Variants in FAM193A observed in about 807,000 individuals in gnomAD.
FAM193A encodes family with sequence similarity 193 member A, also known as protein FAM193A.
Under a neutral mutation model 126.5 loss-of-function variants are expected in FAM193A, and 22 were observed. The observed-to-expected ratio is 0.17, with a 90% CI of 0.12 to 0.25. The LOEUF (loss-of-function observed/expected upper bound fraction) is 0.25, where lower values mean the gene tolerates loss of function less well. Among genes scored for constraint, FAM193A ranks in the 10% least tolerant of loss-of-function variants. FAM193A has a pLI of 1.00. For missense variants in FAM193A, 1,675 were observed against 1,672.8 expected (o/e 1.00, Z -0.02); for synonymous variants, 761 against 646.8 (o/e 1.18, Z -2.68).
At chr4:2,566,277 G>A (rs10011435) in intron 1 of FAM193A, among the ~76,000 whole-genome samples, 39,920 of 152,066 alleles carry the variant, frequency 0.26, 5,741 homozygotes, top group Middle Eastern at 0.38. Flanking sequence ...TCGATCTTCT[G>A]ACCTCGTGAT....
chr4:2,559,918 CT>C (rs1268723871), intron 1 of FAM193A, among the ~76,000 whole-genome samples: 2 of 152,018 alleles, frequency 1.3e-5, no homozygotes, highest in Non-Finnish European at 2.9e-5. Context: ...CCGGGTTTTT[CT>C]TGCCTCTGCG....
chr4:2,581,820 A>G (rs573449941), intron 1 of FAM193A, among the ~76,000 whole-genome samples: 161 of 151,180 alleles, frequency 1.1e-3, no homozygotes, highest in Non-Finnish European at 2.1e-3. Flanking sequence ...TGCACGGCTA[A>G]TTTTTTGTAT....
At chr4:2,535,832 G>A (rs1245625232), upstream of FAM193A, among the ~76,000 whole-genome samples, 5 of 152,114 alleles carry the variant, frequency 3.3e-5, no homozygotes, top group Non-Finnish European at 7.4e-5. Context: ...GGGCGGGCTC[G>A]GGAAGAGCAC....
chr4:2,601,176 CTT>C (rs1358696045), intron 2 of FAM193A, among the ~76,000 whole-genome samples: 1 of 148,524 alleles, frequency 6.7e-6, no homozygotes, highest in African/African-American at 2.5e-5. Context: ...GTAATGGTCT[CTT>C]TTCACTTCTT....
At chr4:2,712,308 A>T (rs766525834) in intron 19 of FAM193A, among the ~76,000 whole-genome samples, 15 of 152,094 alleles carry the variant, frequency 9.9e-5, no homozygotes, top group Non-Finnish European at 1.6e-4. Flanking sequence ...TTGTGTCCTC[A>T]TGGCCTGTCT....
At chr4:2,581,720 C>G (rs1208679164) in intron 1 of FAM193A, among the ~76,000 whole-genome samples, 1 of 152,040 alleles carries the variant, frequency 6.6e-6, no homozygotes, top group Non-Finnish European at 1.5e-5. Context: ...GTGGCGTGAT[C>G]TAGGCTCACT....
chr4:2,542,934 A>AAAGGAGGAGG (rs1176463250), intron 1 of FAM193A, among the ~76,000 whole-genome samples: 2 of 152,096 alleles, frequency 1.3e-5, no homozygotes, highest in African/African-American at 4.8e-5. Context: ...TAGCTTCAAC[A>AAAGGAGGAGG]AAGGAGGAGG....
intron 1 of FAM193A, among the ~76,000 whole-genome samples, chr4:2,552,313 T>G (rs80082107): frequency 1.3e-3 from 1 of 766 alleles, no homozygotes; most frequent in Non-Finnish European, 7.8e-3. Context: ...GCCCGGCTGA[T>G]TTTTTTTTGG....
chr4:2,577,029 G>A (rs1042088564), intron 1 of FAM193A, among the ~76,000 whole-genome samples: 2 of 152,164 alleles, frequency 1.3e-5, no homozygotes, highest in Non-Finnish European at 2.9e-5. Context: ...TTTCTCACAG[G>A]TGTTCGTCTT....
At chr4:2,634,886 A>G (rs1743937939) in intron 5 of FAM193A, among the ~76,000 whole-genome samples, 1 of 152,230 alleles carries the variant, frequency 6.6e-6, no homozygotes, top group East Asian at 1.9e-4. Flanking sequence ...AGAGACTACA[A>G]TGAATCTATG....
intron 19 of FAM193A, among the ~76,000 whole-genome samples, chr4:2,700,764 C>T (rs919093657): frequency 9.9e-5 from 15 of 151,884 alleles, no homozygotes; most frequent in African/African-American, 3.6e-4. Context: ...AGTTCGAGAC[C>T]AGCTTGGCCA....
chr4:2,639,057 A>G (rs1045170332), intron 5 of FAM193A, among the ~76,000 whole-genome samples: 2 of 152,184 alleles, frequency 1.3e-5, no homozygotes, highest in African/African-American at 2.4e-5. Context: ...TTGTAGCAAG[A>G]CTTATTAAAT....
intron 13 of FAM193A, among the ~76,000 whole-genome samples, chr4:2,677,784 G>A (rs1001167527): frequency 2.0e-5 from 3 of 151,418 alleles, no homozygotes; most frequent in Non-Finnish European, 4.4e-5. Context: ...TCAGGATCCC[G>A]TGAGATTCTA....
intron 19 of FAM193A, among the ~76,000 whole-genome samples, chr4:2,703,392 A>G (rs1357225853): frequency 1.3e-5 from 2 of 152,086 alleles, no homozygotes; most frequent in Non-Finnish European, 2.9e-5. Flanking sequence ...AATTACAGGC[A>G]CGTGCCACCA....
chr4:2,695,156 G>A lies in FAM193A; in HGVS notation c.3276+27G>A, dbSNP rs1189547740. The A allele has an allele frequency of 2.6e-6, 4 of 1,538,576 alleles. No individual in the cohort carries two copies. In the African/African-American group the frequency reaches 5.5e-5, roughly 21 times the overall value. ...TGAGTGCATGAGGTCAGCGCATCAT[G>A]ATGTGGGAAGTGTGCAACACACGGG... On this transcript the variant is annotated intron_variant, in intron 17 of 20. Coordinates refer to ENST00000637812, the MANE Select transcript of FAM193A (RefSeq NM_001366318.2).
intron 2 of FAM193A, among the ~76,000 whole-genome samples, chr4:2,598,862 G>A (rs1387351922): frequency 6.6e-6 from 1 of 152,176 alleles, no homozygotes; most frequent in Non-Finnish European, 1.5e-5. Context: ...TCCGATGGTG[G>A]CATCTTCTCA....
intron 2 of FAM193A, among the ~76,000 whole-genome samples, chr4:2,606,583 A>G (rs570796289): frequency 2.0e-5 from 3 of 152,308 alleles, no homozygotes; most frequent in South Asian, 2.1e-4. Context: ...GCTTTTCCCT[A>G]CACTGTTATG....
At chr4:2,686,464 A>ATCAAAT (rs1715751959) in intron 13 of FAM193A, among the ~76,000 whole-genome samples, 1 of 152,234 alleles carries the variant, frequency 6.6e-6, no homozygotes, top group Non-Finnish European at 1.5e-5. Flanking sequence ...ACAAAAACAT[A>ATCAAAT]ATCAAAATAT....
intron 2 of FAM193A, among the ~76,000 whole-genome samples, chr4:2,606,398 T>C (rs116129150): frequency 6.6e-6 from 1 of 152,360 alleles, no homozygotes; most frequent in Non-Finnish European, 1.5e-5. Context: ...TGGTTTCTTA[T>C]ATCTGCCTCT....
Sources: gnomAD v4.1 joint callset for allele counts (sites outside exome capture counted in the v4.1 genomes callset) on GRCh38, gnomAD v4.1.1 for gene constraint, MANE v1.5 for transcripts, NCBI Gene and HGNC (gene_info 2026-07-23, HGNC 2026-07-21) for gene names.